Variants in COBL observed in about 807,000 individuals in gnomAD.
COBL encodes the protein cordon-bleu WH2 repeat protein, also known as protein cordon-bleu.
A neutral mutation model predicts 98.8 loss-of-function variants in COBL; 51 were observed. The ratio of observed to expected loss-of-function variants is 0.52; its 90% CI spans 0.41 to 0.65. The LOEUF is 0.65. Ranked by LOEUF, COBL falls within the 30% of genes least tolerant of loss-of-function variation. The pLI, the probability that COBL is intolerant of heterozygous loss-of-function variation, is 0.00. For missense variants in COBL, 1,617 were observed against 1,617.5 expected, an observed-to-expected ratio of 1.00 and a Z score of 0.01; for synonymous variants, 634 against 651.7, an observed-to-expected ratio of 0.97 and a Z score of 0.41.
chr7:51,029,642 T>G, intron 9 of COBL, 51 bp from the exon 10 acceptor site: 1 of 1,441,402 alleles, frequency 6.9e-7, no homozygotes. Context: ...ACCAATTACT[T>G]AGTGTAACTG....
intron 5 of COBL, among the ~76,000 whole-genome samples, chr7:51,142,980 G>A (rs1290088998): frequency 6.6e-6 from 1 of 152,140 alleles, no homozygotes; most frequent in East Asian, 1.9e-4. Context: ...CAGGGGGAGG[G>A]AGAGATGCAG....
chr7:51,059,089 T>C (rs1400678064), intron 7 of COBL, among the ~76,000 whole-genome samples: 1 of 152,238 alleles, frequency 6.6e-6, no homozygotes, highest in Non-Finnish European at 1.5e-5. Flanking sequence ...GCTTCTACCT[T>C]GCCCCCTGTG....
At chr7:51,307,450 C>T in intron 1 of COBL, among the ~76,000 whole-genome samples, 1 of 152,196 alleles carries the variant, frequency 6.6e-6, no homozygotes, top group Non-Finnish European at 1.5e-5. Context: ...CTCCCACACA[C>T]AAGGAGCAGG....
intron 1 of COBL, among the ~76,000 whole-genome samples, chr7:51,224,588 T>C (rs1384899160): frequency 6.6e-6 from 1 of 151,948 alleles, no homozygotes; most frequent in Non-Finnish European, 1.5e-5. Flanking sequence ...AATGCTGTAC[T>C]GCACATCACA....
intron 7 of COBL, chr7:51,072,515 CTTCTT>C (rs1273298607): frequency 6.6e-6 from 1 of 152,206 alleles, no homozygotes; most frequent in Non-Finnish European, 1.5e-5. Context: ...ACCATCTTTA[CTTCTT>C]TTCATGTGCC....
chr7:51,236,802 A>G (rs1243051416), intron 1 of COBL, among the ~76,000 whole-genome samples: 1 of 152,188 alleles, frequency 6.6e-6, no homozygotes, highest in Non-Finnish European at 1.5e-5. Flanking sequence ...GATGCACTCA[A>G]AAAACAAGGC....
intron 6 of COBL, among the ~76,000 whole-genome samples, chr7:51,119,029 T>C (rs1353782280): frequency 1.3e-5 from 2 of 152,202 alleles, no homozygotes; most frequent in Non-Finnish European, 2.9e-5. Flanking sequence ...TTTTCTAATA[T>C]ACAATTAAAG....
intron 7 of COBL, 47 bp downstream of exon 7, chr7:51,085,119 C>A: frequency 6.2e-7 from 1 of 1,612,030 alleles, no homozygotes; most frequent in Non-Finnish European, 8.5e-7. Context: ...CATTCCAGGA[C>A]AGAGCAAGCA....
intron 4 of COBL, among the ~76,000 whole-genome samples, chr7:51,188,914 G>A (rs762714139): frequency 6.6e-6 from 1 of 152,230 alleles, no homozygotes; most frequent in South Asian, 2.1e-4. Context: ...GTGGTAGCAT[G>A]TAACAGAAAC....
chr7:51,275,190 G>A (rs1182444753), intron 1 of COBL, among the ~76,000 whole-genome samples: 1 of 152,146 alleles, frequency 6.6e-6, no homozygotes, highest in African/African-American at 2.4e-5. Flanking sequence ...GCGGGCTGGA[G>A]GGGAGAGGCC....
chr7:51,080,519 TAA>T (rs1793544331), intron 7 of COBL, among the ~76,000 whole-genome samples: 1 of 152,160 alleles, frequency 6.6e-6, no homozygotes, highest in African/African-American at 2.4e-5. Flanking sequence ...CTTATGGTGG[TAA>T]GGCCTCCTGC....
chr7:51,044,864 A>C (rs1249834772), intron 7 of COBL, among the ~76,000 whole-genome samples: 3 of 152,250 alleles, frequency 2.0e-5, no homozygotes, highest in African/African-American at 7.2e-5. Context: ...AAATCCCATC[A>C]GGTGATGGTA....
At chr7:51,143,508 G>A (rs1395677090) in intron 5 of COBL, among the ~76,000 whole-genome samples, 2 of 152,096 alleles carry the variant, frequency 1.3e-5, no homozygotes, top group African/African-American at 2.4e-5. Flanking sequence ...CAAGTATTTC[G>A]TGTTAAGTGG....
intron 2 of COBL, among the ~76,000 whole-genome samples, chr7:51,204,535 A>T (rs941777639): frequency 7.9e-5 from 12 of 151,290 alleles, no homozygotes; most frequent in Non-Finnish European, 1.5e-4. Flanking sequence ...TTATAAAATC[A>T]ATACAAAAAA....
intron 5 of COBL, among the ~76,000 whole-genome samples, chr7:51,158,599 C>T (rs904690803): frequency 1.1e-4 from 16 of 152,158 alleles, no homozygotes; most frequent in African/African-American, 3.9e-4. Flanking sequence ...GTAGAGGACG[C>T]ATCCCTAGGG....
chr7:51,147,200 G>A (rs1290632971), intron 5 of COBL, among the ~76,000 whole-genome samples: 2 of 152,190 alleles, frequency 1.3e-5, no homozygotes, highest in East Asian at 1.9e-4. Flanking sequence ...GAGAACAGCT[G>A]GGAGCCAGCG....
chr7:51,094,314 G>T (rs1268122751), intron 6 of COBL, among the ~76,000 whole-genome samples: 2 of 151,926 alleles, frequency 1.3e-5, no homozygotes, highest in African/African-American at 2.4e-5. Context: ...GCCCTGCATG[G>T]TGACCATAGT....
intron 1 of COBL, among the ~76,000 whole-genome samples, chr7:51,263,395 A>G (rs1797894950): frequency 6.6e-6 from 1 of 152,244 alleles, no homozygotes; most frequent in Non-Finnish European, 1.5e-5. Flanking sequence ...TATGTTTCAC[A>G]AACTGCTTTT....
intron 1 of COBL, among the ~76,000 whole-genome samples, chr7:51,243,395 C>G (rs1027760252): frequency 2.0e-5 from 3 of 152,200 alleles, no homozygotes; most frequent in Non-Finnish European, 4.4e-5. Flanking sequence ...CCTCATGGGA[C>G]TGCAAAGCAC....
Sources: gnomAD v4.1 joint callset for allele counts (sites outside exome capture counted in the v4.1 genomes callset) on GRCh38, gnomAD v4.1.1 for gene constraint, MANE v1.5 for transcripts, NCBI Gene and HGNC (gene_info 2026-07-23, HGNC 2026-07-21) for gene names.